FBXW10B: variants seen among roughly 807,000 people sequenced by gnomAD.
FBXW10B encodes F-box and WD repeat domain containing 10B, also known as F-box and WD repeat domain containing protein 10B.
the FBXW10B span, among the ~76,000 whole-genome samples, chr17:15,610,608 G>C: frequency 6.6e-6 from 1 of 152,176 alleles, no homozygotes; most frequent in South Asian, 2.1e-4. Context: ...GTGTTTTACT[G>C]TCTGTTCTTT....
At chr17:15,615,352 C>T in the FBXW10B span, among the ~76,000 whole-genome samples, 2 of 109,122 alleles carry the variant, frequency 1.8e-5, no homozygotes, top group Non-Finnish European at 3.3e-5. Context: ...GAGACAGTCT[C>T]GCTCTGTTGC....
the FBXW10B span, among the ~76,000 whole-genome samples, chr17:15,584,767 A>G: frequency 6.6e-6 from 1 of 152,156 alleles, no homozygotes; most frequent in African/African-American, 2.4e-5. Context: ...CCTTGTGCAC[A>G]TTGATTTAAA....
the FBXW10B span, chr17:15,598,707 T>C: frequency 1.3e-6 from 2 of 1,597,978 alleles, no homozygotes; most frequent in East Asian, 2.3e-5. Flanking sequence ...CAAAGGATCA[T>C]ACTGCGTAGA....
the FBXW10B span, among the ~76,000 whole-genome samples, chr17:15,617,152 A>G: frequency 7.9e-5 from 12 of 152,128 alleles, no homozygotes; most frequent in Admixed American, 1.3e-4. Context: ...ACACCCTAGG[A>G]TTCACTGTGT....
the FBXW10B span, among the ~76,000 whole-genome samples, chr17:15,611,765 G>T: frequency 2.0e-5 from 3 of 152,072 alleles, no homozygotes; most frequent in East Asian, 5.8e-4. Context: ...CTTTAAGCAG[G>T]TGGGGGGGCG....
At chr17:15,613,153 A>C in the FBXW10B span, among the ~76,000 whole-genome samples, 4,914 of 151,912 alleles carry the variant, frequency 0.032, 226 homozygotes, top group African/African-American at 0.11. Context: ...GTTTAGGGTG[A>C]GACTTCTGGC....
the FBXW10B span, among the ~76,000 whole-genome samples, chr17:15,609,742 C>T: frequency 3.1e-3 from 479 of 152,104 alleles, 1 homozygote; most frequent in African/African-American, 0.01. Flanking sequence ...CACTCACCTC[C>T]GCTTTTCCCA....
the FBXW10B span, among the ~76,000 whole-genome samples, chr17:15,616,811 C>CA: frequency 6.7e-3 from 432 of 64,066 alleles, 2 homozygotes; most frequent in Middle Eastern, 0.02. Flanking sequence ...GACTCTGTCT[C>CA]AAAAAAAAAA....
chr17:15,618,968 C>A, the FBXW10B span: 1 of 1,597,708 alleles, frequency 6.3e-7, no homozygotes, highest in Non-Finnish European at 8.5e-7. Flanking sequence ...GCCTTCTGGT[C>A]TTCGGGGGCC....
At chr17:15,602,218 G>A in the FBXW10B span, among the ~76,000 whole-genome samples, 2 of 152,114 alleles carry the variant, frequency 1.3e-5, no homozygotes, top group African/African-American at 4.8e-5. Flanking sequence ...TTTTCAAGGA[G>A]GGGGATTTTG....
chr17:15,585,092 T>C, the FBXW10B span, among the ~76,000 whole-genome samples: 1 of 151,778 alleles, frequency 6.6e-6, no homozygotes, highest in Non-Finnish European at 1.5e-5. Context: ...AAAAAAAATC[T>C]GTTCTTATAA....
the FBXW10B span, among the ~76,000 whole-genome samples, chr17:15,606,480 T>C: frequency 6.7e-6 from 1 of 149,872 alleles, no homozygotes; most frequent in Non-Finnish European, 1.5e-5. Flanking sequence ...TGAGCCAAGA[T>C]TGCACCACTG....
the FBXW10B span, among the ~76,000 whole-genome samples, chr17:15,592,103 G>T: frequency 6.6e-6 from 1 of 152,132 alleles, no homozygotes; most frequent in South Asian, 2.1e-4. Context: ...GTTTCCTTCT[G>T]CTTCAAAAGG....
chr17:15,612,278 C>A, the FBXW10B span, among the ~76,000 whole-genome samples: 1 of 151,924 alleles, frequency 6.6e-6, no homozygotes, highest in Non-Finnish European at 1.5e-5. Context: ...GAGGCCGAGG[C>A]GGGCGGATCA....
chr17:15,598,439 G>A, the FBXW10B span: 5 of 1,606,758 alleles, frequency 3.1e-6, no homozygotes, highest in South Asian at 1.1e-5. Context: ...GAATAAATGA[G>A]TGCCTGCCTA....
the FBXW10B span, among the ~76,000 whole-genome samples, chr17:15,603,127 G>A: frequency 4.7e-5 from 7 of 150,390 alleles, no homozygotes; most frequent in African/African-American, 1.2e-4. Flanking sequence ...CAGATGATCC[G>A]CCTGCCTCAG....
the FBXW10B span, chr17:15,596,786 C>A: frequency 3.9e-6 from 5 of 1,289,480 alleles, no homozygotes; most frequent in Non-Finnish European, 4.2e-6. Flanking sequence ...AAGTCAGATT[C>A]TAGAAGGACT....
chr17:15,619,641 G>A, the FBXW10B span: 1 of 1,507,266 alleles, frequency 6.6e-7, no homozygotes, highest in Non-Finnish European at 8.9e-7. Context: ...GTCTCCCAGA[G>A]CAAAAGTAAA....
At chr17:15,583,620 T>C in the FBXW10B span, among the ~76,000 whole-genome samples, 1 of 150,506 alleles carries the variant, frequency 6.6e-6, no homozygotes, top group Non-Finnish European at 1.5e-5. Context: ...GGTGATTGCA[T>C]CCCAACTCAA....
Sources: allele counts gnomAD v4.1 joint callset (sites outside exome capture counted in the v4.1 genomes callset), GRCh38; gene constraint gnomAD v4.1.1; transcripts MANE v1.5; gene names NCBI Gene and HGNC (gene_info 2026-07-23, HGNC 2026-07-21).